Variants in BBX observed in about 807,000 individuals in gnomAD.
The protein encoded by BBX is HMG box transcription factor BBX.
In BBX, 30 loss-of-function variants were observed where a neutral mutation model predicts 100.2. The ratio of observed to expected loss-of-function variants is 0.30; its 90% confidence interval spans 0.22 to 0.41. The LOEUF (loss-of-function observed/expected upper bound fraction) is 0.41. BBX is among the 10% of genes least tolerant of loss of function. The pLI is 1.00. For missense variants in BBX, 1,023 were observed against 1,129.8 expected (o/e 0.91, Z 1.35); for synonymous variants, 376 against 388.1 (o/e 0.97, Z 0.37).
intron 4 of BBX, among the ~76,000 whole-genome samples, chr3:107,716,195 C>T (rs2062090593): frequency 1.3e-5 from 2 of 151,966 alleles, no homozygotes; most frequent in African/African-American, 4.8e-5. Flanking sequence ...ATCTTGATGC[C>T]CATTAACCAT....
intron 2 of BBX, among the ~76,000 whole-genome samples, chr3:107,613,564 T>A (rs868225757): frequency 1.3e-5 from 2 of 152,044 alleles, no homozygotes; most frequent in African/African-American, 4.8e-5. Context: ...AGATAAAGTA[T>A]AATTACTAGT....
chr3:107,677,585 G>A (rs572471238), intron 3 of BBX: 1 of 152,176 alleles, frequency 6.6e-6, no homozygotes, highest in East Asian at 1.9e-4. Flanking sequence ...CTACAAGTGG[G>A]CAAAATCATC....
intron 2 of BBX, among the ~76,000 whole-genome samples, chr3:107,530,008 A>G (rs2048049750): frequency 6.6e-6 from 1 of 152,234 alleles, no homozygotes; most frequent in Non-Finnish European, 1.5e-5. Context: ...TACCAAATGT[A>G]CCAAAATGTA....
chr3:107,747,914 C>A (rs968052382), intron 8 of BBX, 51 bp from the exon 9 acceptor site: 2 of 1,467,758 alleles, frequency 1.4e-6, no homozygotes, highest in South Asian at 1.2e-5. Flanking sequence ...ATCTTATGAT[C>A]TGATGTGGAA....
chr3:107,715,257 A>C (rs113722930), intron 4 of BBX, among the ~76,000 whole-genome samples: 462 of 152,282 alleles, frequency 3.0e-3, no homozygotes, highest in Non-Finnish European at 5.4e-3. Context: ...CTTGTTAGAG[A>C]TACAAATTCT....
intron 10 of BBX, among the ~76,000 whole-genome samples, chr3:107,770,041 G>T (rs974359860): frequency 6.6e-6 from 1 of 152,202 alleles, no homozygotes; most frequent in African/African-American, 2.4e-5. Flanking sequence ...AGCCTGAAAT[G>T]AGGAAGTAAA....
intron 2 of BBX, among the ~76,000 whole-genome samples, chr3:107,599,810 C>T (rs144395624): frequency 3.6e-4 from 55 of 152,256 alleles, no homozygotes; most frequent in African/African-American, 8.9e-4. Context: ...AGGCTGAAAA[C>T]GTCTAGTCAA....
At chr3:107,651,099 G>T (rs982186188) in intron 3 of BBX, among the ~76,000 whole-genome samples, 2 of 152,150 alleles carry the variant, frequency 1.3e-5, no homozygotes, top group African/African-American at 4.8e-5. Context: ...TGTAGGCCCT[G>T]TCCCATCACA....
chr3:107,769,169 CATAGATAGATAGATAGATAGATAGATAG>C (rs61134656), intron 10 of BBX, among the ~76,000 whole-genome samples: 15 of 132,336 alleles, frequency 1.1e-4, no homozygotes, highest in South Asian at 2.6e-4. Context: ...CTCTATCATT[CATAGATAGATAGATAGATAGATAGATAG>C]ATAGATAGAT....
At chr3:107,686,054 T>C (rs185925895) in intron 3 of BBX, among the ~76,000 whole-genome samples, 8 of 152,330 alleles carry the variant, frequency 5.3e-5, no homozygotes, top group African/African-American at 1.9e-4. Flanking sequence ...TATTATCTTA[T>C]TGTAAATAAA....
chr3:107,771,476 T>C (rs1232584899), intron 10 of BBX, among the ~76,000 whole-genome samples: 1 of 152,170 alleles, frequency 6.6e-6, no homozygotes, highest in Non-Finnish European at 1.5e-5. Flanking sequence ...TCAGAATCTT[T>C]CAGATTTTAG....
chr3:107,608,015 C>T (rs368269363), intron 2 of BBX, among the ~76,000 whole-genome samples: 2 of 152,024 alleles, frequency 1.3e-5, no homozygotes, highest in South Asian at 2.1e-4. Flanking sequence ...TGGGTTGTCT[C>T]TTCACTTTGC....
intron 10 of BBX, among the ~76,000 whole-genome samples, chr3:107,766,605 A>G (rs1017345530): frequency 4.6e-5 from 7 of 152,338 alleles, no homozygotes; most frequent in Non-Finnish European, 1.0e-4. Flanking sequence ...GGTAAAAAAA[A>G]AGATAATTGT....
intron 13 of BBX, among the ~76,000 whole-genome samples, chr3:107,788,761 G>A (rs953909702): frequency 2.0e-5 from 3 of 152,024 alleles, no homozygotes; most frequent in African/African-American, 7.2e-5. Context: ...GTGACAGAGT[G>A]AGACCCTGTC....
At chr3:107,542,075 GA>G (rs2048904698) in intron 2 of BBX, among the ~76,000 whole-genome samples, 1 of 152,124 alleles carries the variant, frequency 6.6e-6, no homozygotes, top group South Asian at 2.1e-4. Flanking sequence ...TGCCAACTAT[GA>G]AAGAGAAGAT....
At chr3:107,590,957 C>T (rs2053260766) in intron 2 of BBX, among the ~76,000 whole-genome samples, 1 of 152,256 alleles carries the variant, frequency 6.6e-6, no homozygotes, top group African/African-American at 2.4e-5. Flanking sequence ...AGTTTGCCTG[C>T]TGCAGTATTG....
chr3:107,799,674 A>G (rs117785835), intron 16 of BBX, among the ~76,000 whole-genome samples: 52 of 152,264 alleles, frequency 3.4e-4, no homozygotes, highest in East Asian at 3.1e-3. Context: ...CACTTCCTAT[A>G]TAACTGGTTT....
At chr3:107,567,348 G>A (rs1309657153) in intron 2 of BBX, among the ~76,000 whole-genome samples, 1 of 152,002 alleles carries the variant, frequency 6.6e-6, no homozygotes, top group African/African-American at 2.4e-5. Context: ...TCAGAGAGAG[G>A]TGTTCTAATC....
chr3:107,620,357 C>A (rs1364280298), intron 2 of BBX, among the ~76,000 whole-genome samples: 2 of 152,222 alleles, frequency 1.3e-5, no homozygotes, highest in African/African-American at 2.4e-5. Flanking sequence ...GTCAGATAAT[C>A]TAACAACACT....
Sources: allele counts gnomAD v4.1 joint callset (sites outside exome capture counted in the v4.1 genomes callset), GRCh38; gene constraint gnomAD v4.1.1; transcripts MANE v1.5; gene names NCBI Gene and HGNC (gene_info 2026-07-23, HGNC 2026-07-21).